CYFIP1: variants seen among roughly 807,000 people sequenced by gnomAD.
The protein encoded by CYFIP1 is cytoplasmic FMR1-interacting protein 1.
A neutral mutation model predicts 163.5 loss-of-function variants in CYFIP1; 58 were observed. That is an observed-to-expected ratio of 0.35 (90% CI 0.29 to 0.44). CYFIP1 has a LOEUF of 0.44. Among genes scored for constraint, CYFIP1 ranks in the 20% least tolerant of loss-of-function variants. The pLI is 1.00. For synonymous variants in CYFIP1, 663 were observed against 660.7 expected, an observed-to-expected ratio of 1.00 and a Z score of -0.05; for missense variants, 1,338 against 1,653.8, an observed-to-expected ratio of 0.81 and a Z score of 3.31.
At chr15:22,896,097 C>A (rs1254034105) in intron 22 of CYFIP1, among the ~76,000 whole-genome samples, 6 of 152,208 alleles carry the variant, frequency 3.9e-5, no homozygotes, top group African/African-American at 1.4e-4. Context: ...CCCCAGGGAC[C>A]CCAAATGTGT....
At chr15:22,913,936 G>A (rs1384235610) in intron 17 of CYFIP1, among the ~76,000 whole-genome samples, 3 of 152,200 alleles carry the variant, frequency 2.0e-5, no homozygotes, top group Non-Finnish European at 4.4e-5. Context: ...TGACGCACAA[G>A]GAACTCAGGG....
intron 13 of CYFIP1, among the ~76,000 whole-genome samples, chr15:22,919,324 G>A (rs1393210139): frequency 2.0e-5 from 3 of 152,200 alleles, no homozygotes; most frequent in African/African-American, 4.8e-5. Flanking sequence ...AGCTTCCAAA[G>A]GAATTCCTGG....
intron 22 of CYFIP1, among the ~76,000 whole-genome samples, chr15:22,893,201 C>T (rs113875684): frequency 1.3e-5 from 2 of 152,246 alleles, no homozygotes; most frequent in African/African-American, 2.4e-5. Context: ...CAGGAACACC[C>T]GGGGTCTGGT....
intron 1 of CYFIP1, among the ~76,000 whole-genome samples, chr15:22,978,617 G>C (rs1271258594): frequency 2.0e-5 from 3 of 152,028 alleles, no homozygotes; most frequent in Non-Finnish European, 4.4e-5. Flanking sequence ...AGTATACACG[G>C]TTCTATGCTG....
intron 14 of CYFIP1, 126 bp from the exon 15 acceptor site, chr15:22,918,061 G>C (rs1257197566): frequency 1.1e-5 from 12 of 1,107,090 alleles, no homozygotes; most frequent in Non-Finnish European, 1.4e-5. Flanking sequence ...AATTACTCTG[G>C]GGGCCATGGA....
intron 1 of CYFIP1, among the ~76,000 whole-genome samples, chr15:22,963,511 T>TAACATAACATAACATAACATAACATAA (rs2062767752): frequency 1.5e-5 from 2 of 137,382 alleles, no homozygotes; most frequent in East Asian, 2.1e-4. Flanking sequence ...TAACATAACA[T>TAACATAACATAACATAACATAACATAA]AACATAACAT....
chr15:22,893,915 G>T (rs2060149448), intron 22 of CYFIP1, among the ~76,000 whole-genome samples: 1 of 152,222 alleles, frequency 6.6e-6, no homozygotes, highest in Admixed American at 6.5e-5. Flanking sequence ...GCAACAGGAT[G>T]TGTGCATGTC....
intron 8 of CYFIP1, 77 bp downstream of exon 8, chr15:22,939,115 T>C (rs565241492): frequency 6.4e-7 from 1 of 1,567,812 alleles, no homozygotes; most frequent in African/African-American, 1.4e-5. Context: ...AAAAGGATTC[T>C]AGATAAAGCA....
At chr15:22,946,786 T>G in intron 3 of CYFIP1, 1 of 686,752 alleles carries the variant, frequency 1.5e-6, no homozygotes, top group Non-Finnish European at 2.7e-6. Context: ...CTGACAAAGG[T>G]TTTCTCTGGG....
chr15:22,944,701 C>T (rs1413695223), intron 4 of CYFIP1, 42 bp from the exon 5 acceptor site: 7 of 1,567,878 alleles, frequency 4.5e-6, no homozygotes, highest in Non-Finnish European at 6.2e-6. Context: ...GGCTTTGATC[C>T]AGCCAGAAGC....
intron 1 of CYFIP1, among the ~76,000 whole-genome samples, chr15:22,961,181 C>T (rs1047277727): frequency 6.6e-6 from 1 of 151,688 alleles, no homozygotes; most frequent in African/African-American, 2.4e-5. Flanking sequence ...GCCACCATGC[C>T]GGGCTAATGT....
At chr15:22,873,045 G>C in intron 29 of CYFIP1, 73 bp from the exon 30 acceptor site, 5 of 1,537,730 alleles carry the variant, frequency 3.3e-6, no homozygotes, top group Non-Finnish European at 4.4e-6. Flanking sequence ...TCTGTCTCCA[G>C]ATGTCAGTGA....
intron 10 of CYFIP1, among the ~76,000 whole-genome samples, chr15:22,932,542 CT>C (rs2061572329): frequency 6.6e-6 from 1 of 152,200 alleles, no homozygotes; most frequent in Non-Finnish European, 1.5e-5. Flanking sequence ...GTTATGTGTC[CT>C]TTACTGAAAA....
intron 1 of CYFIP1, among the ~76,000 whole-genome samples, chr15:22,956,698 A>G (rs567735689): frequency 6.6e-6 from 1 of 152,298 alleles, no homozygotes; most frequent in East Asian, 1.9e-4. Flanking sequence ...TGGCCACACC[A>G]TCCAGATGGC....
In CYFIP1 at chr15:22,873,592, A is replaced by G. The variant is rs757732971; in HGVS notation, c.3348T>C (p.Asn1116=). The change falls in exon 29 of 31, where the codon AAT becomes AAC. Residue 1116 remains asparagine, a synonymous_variant. Coordinates refer to ENST00000617928, the MANE Select transcript of CYFIP1 (RefSeq NM_014608.6). ...DPIWRGPLPS[N]GVMHVDECVE... The stretch of plus-strand genomic sequence containing the variant: ...CACACTCGTCCACATGCATGACCCC[A>G]TTGCTGGGCAGAGGCCCGCGCCAGA... 1 of 1,614,192 alleles carries G rather than the reference A, an allele frequency of 6.2e-7. No individual in the cohort carries two copies. The highest frequency in any genetic ancestry group is 8.5e-7 in the Non-Finnish European group (1 of 1,180,036).
rs182707145 is a variant in CYFIP1, at chr15:22,957,590, C to T, written c.-6-10299G>A. Among the ~76,000 whole-genome samples, 1,149 of 152,120 alleles carry T rather than the reference C, an allele frequency of 7.6e-3. 20 individuals carry two copies. The highest frequency in any genetic ancestry group is 0.026 in the African/African-American group (1,069 of 41,490). Reference sequence around the variant, plus strand: ...GGCGGAGCTTGCAGTGAGCCGAGATCGTGTCACTGCACTCCAGCCTGGGCG... The same window carrying T: ...GGCGGAGCTTGCAGTGAGCCGAGATTGTGTCACTGCACTCCAGCCTGGGCG... On this transcript the variant is annotated intron_variant, in intron 1 of 30. Transcript: ENST00000617928.
chr15:22,952,659 C>CAAA (rs3083512), intron 1 of CYFIP1, among the ~76,000 whole-genome samples: 14 of 45,682 alleles, frequency 3.1e-4, no homozygotes, highest in African/African-American at 5.0e-4. Flanking sequence ...GACTCCATCT[C>CAAA]AAAAAAAAAA....
chr15:22,953,133 G>A (rs118102129), intron 1 of CYFIP1, among the ~76,000 whole-genome samples: 14,167 of 152,260 alleles, frequency 0.093, 914 homozygotes, highest in Middle Eastern at 0.15. Context: ...GCCTCACCCT[G>A]TTAGGCGGAC....
At chr15:22,951,833 G>A (rs374619672) in intron 1 of CYFIP1, among the ~76,000 whole-genome samples, 25 of 152,188 alleles carry the variant, frequency 1.6e-4, no homozygotes, top group African/African-American at 3.1e-4. Flanking sequence ...GGGGAGAACT[G>A]CTCGTGCGTC....
Sources: gnomAD v4.1 joint callset for allele counts (sites outside exome capture counted in the v4.1 genomes callset) on GRCh38, gnomAD v4.1.1 for gene constraint, MANE v1.5 for transcripts, NCBI Gene and HGNC (gene_info 2026-07-23, HGNC 2026-07-21) for gene names.